Variants in FUS observed in about 807,000 individuals in gnomAD.
The protein encoded by FUS is FUS RNA binding protein.
Under a neutral mutation model 82.7 loss-of-function variants are expected in FUS, and 5 were observed. The ratio of observed to expected loss-of-function variants is 0.06; its 90% CI spans 0.03 to 0.13. The LOEUF is 0.13. Among genes scored for constraint, FUS ranks in the 10% least tolerant of loss-of-function variants. The pLI is 1.00. For missense variants in FUS, 512 were observed against 707.8 expected, an observed-to-expected ratio of 0.72 and a Z score of 3.14; for synonymous variants, 281 against 247.4, an observed-to-expected ratio of 1.14 and a Z score of -1.27.
Position 31,184,206 on chromosome 16 carries a change from T to G in FUS, c.336-3T>G. On this transcript the variant is annotated splice_polypyrimidine_tract_variant and splice_region_variant and intron_variant, in intron 4 of 14. Coordinates refer to ENST00000254108, the MANE Select transcript of FUS (RefSeq NM_004960.4). Reference sequence around the variant, plus strand: ...GATTGTGTTTTTTGTTTGTTTTCCCTAGTTACGGTAGCAGTTCTCAGAGCA... The same window carrying G: ...GATTGTGTTTTTTGTTTGTTTTCCCGAGTTACGGTAGCAGTTCTCAGAGCA... 1 of 1,614,168 alleles carries G rather than the reference T, an allele frequency of 6.2e-7. No individual in the cohort carries two copies.
At chr16:31,194,600 C>T (rs568112382), downstream of FUS, 30 of 494,932 alleles carry the variant, frequency 6.1e-5, 1 homozygote, top group South Asian at 1.9e-4. Context: ...ATACTGTGTC[C>T]GGCTATGAAA....
downstream of FUS, chr16:31,191,893 T>G (rs775198984): frequency 9.3e-6 from 5 of 538,876 alleles, no homozygotes; most frequent in African/African-American, 9.3e-5. Flanking sequence ...TGGTCTTAGT[T>G]TATTTGCAGC....
At position 31,185,177 on chromosome 16, in the gene FUS, G is replaced by A. The variant is rs2079249158; in HGVS notation, c.762G>A (p.Met254Ile). ...GTGGCCGTGGAGGCAGAGGTGGCAT[G>A]GGGTAGGTGTCTCATGAGCCAGGGA... is the stretch of plus-strand genomic sequence containing the variant. Reference protein sequence around the residue: ...RGGGRGGRGGMGGSDRGGFNK... With the variant: ...RGGGRGGRGGIGGSDRGGFNK... The change falls in exon 6 of 15, where the codon ATG (methionine) becomes ATA (isoleucine). Residue 254 changes from methionine (M) to isoleucine (I), a missense_variant and splice_region_variant. Met to Ile is a conservative substitution (Grantham distance 10). Transcript: ENST00000254108. The A allele has an allele frequency of 1.2e-6, 2 of 1,607,354 alleles. No individual in the cohort carries two copies. The highest frequency in any genetic ancestry group is 1.7e-6 in the Non-Finnish European group (2 of 1,176,440).
At position 31,180,247 on chromosome 16, in the gene FUS, G is replaced by T; in HGVS notation, c.13+20G>T. 1 of 1,606,372 alleles carries T rather than the reference G, an allele frequency of 6.2e-7. No homozygotes were observed. The highest frequency in any genetic ancestry group is 8.5e-7 in the Non-Finnish European group (1 of 1,176,684). On this transcript the variant is annotated intron_variant, in intron 1 of 14. Transcript: ENST00000254108. Reference sequence around the variant, plus strand: ...CAAACGGTAGGTAAGGGCGCGAGGCGACGGCGGCGGCGCACCCGGCCGAGG... The same window carrying T: ...CAAACGGTAGGTAAGGGCGCGAGGCTACGGCGGCGGCGCACCCGGCCGAGG...
intron 8 of FUS, 157 bp from the exon 9 acceptor site, chr16:31,188,966 G>T: frequency 1.5e-6 from 1 of 672,416 alleles, no homozygotes; most frequent in East Asian, 2.7e-5. Flanking sequence ...CAGCATGGCT[G>T]GCATATAGGG....
At chr16:31,192,872 A>G (rs1033626654), downstream of FUS, 6 of 485,222 alleles carry the variant, frequency 1.2e-5, no homozygotes, top group Middle Eastern at 6.1e-4. Context: ...GCATCTGGCC[A>G]TCCTCTCAAA....
intron 7 of FUS, 51 bp from the exon 8 acceptor site, chr16:31,188,274 C>T (rs1442895036): frequency 1.3e-6 from 2 of 1,591,576 alleles, no homozygotes; most frequent in South Asian, 2.3e-5. Context: ...AACGGCTCAT[C>T]TTTTCCTTGT....
chr16:31,191,126 A>G lies in FUS; in HGVS notation c.1541+16A>G. 2 of 1,611,886 alleles carry G rather than the reference A, an allele frequency of 1.2e-6. No homozygotes were observed. The highest frequency in any genetic ancestry group is 1.7e-6 in the Non-Finnish European group (2 of 1,179,718). ...TGGATTCCAGGTAAGACTTTAAATCAGAATAAAAAAGTAGAGCAGTTGAAC... is the reference window on the plus strand; with the variant it reads ...TGGATTCCAGGTAAGACTTTAAATCGGAATAAAAAAGTAGAGCAGTTGAAC... On this transcript the variant is annotated intron_variant, in intron 14 of 14. Transcript: ENST00000254108.
chr16:31,185,317 G>A (rs2079251746), intron 6 of FUS, 138 bp downstream of exon 6: 3 of 1,114,670 alleles, frequency 2.7e-6, no homozygotes, highest in African/African-American at 1.6e-5. Flanking sequence ...TTTGGGGGCA[G>A]TGACTTTCTT....
chr16:31,191,312 G>A (rs2079354907), intron 14 of FUS, 87 bp from the exon 15 acceptor site: 2 of 1,555,716 alleles, frequency 1.3e-6, no homozygotes, highest in East Asian at 4.5e-5. Flanking sequence ...GCTGGGTTAG[G>A]TAGGAGGGGC....
At chr16:31,188,227 G>A in intron 7 of FUS, 98 bp from the exon 8 acceptor site, 1 of 1,278,360 alleles carries the variant, frequency 7.8e-7, no homozygotes, top group Non-Finnish European at 1.1e-6. Flanking sequence ...TGGATTTGGT[G>A]TTAATTTTTT....
intron 1 of FUS, among the ~76,000 whole-genome samples, chr16:31,180,697 TCG>T (rs1460199239): frequency 6.6e-6 from 1 of 152,124 alleles, no homozygotes. Context: ...GCGAGACCCT[TCG>T]CGGAAGACTC....
chr16:31,194,849 T>A (rs2079403266), downstream of FUS: 1 of 476,206 alleles, frequency 2.1e-6, no homozygotes, highest in South Asian at 1.5e-5. Flanking sequence ...AAAAAATGAT[T>A]GACTTCAGTC....
chr16:31,183,070 G>T (rs1267697233), intron 3 of FUS: 6 of 296,966 alleles, frequency 2.0e-5, no homozygotes, highest in South Asian at 1.6e-4. Flanking sequence ...TTTCTTTTCC[G>T]TGAAACAGTG....
At chr16:31,187,097 G>A in intron 7 of FUS, 1 of 551,108 alleles carries the variant, frequency 1.8e-6, no homozygotes, top group African/African-American at 1.9e-5. Context: ...GCCTTGGACT[G>A]GGCCGTTGCC....
At chr16:31,191,727 A>C (rs1027842060), downstream of FUS, 4 of 656,320 alleles carry the variant, frequency 6.1e-6, no homozygotes, top group Non-Finnish European at 1.1e-5. Flanking sequence ...TTCGGGGAGA[A>C]GGCCAAATGA....
At position 31,190,387 on chromosome 16, in the gene FUS, G is replaced by A. The variant is rs1354546679; in HGVS notation, c.1281G>A (p.Lys427=). The part of the protein sequence containing the change: ...GGGQQRAGDW[K]CPNPTCENMN... ...GACAGCAGCGAGCTGGTGACTGGAA[G>A]TGTCCTAATCCGTGAGTGAAACTTA... Residue 427 remains lysine (K), a synonymous_variant, in exon 12 of 15, where the codon AAG becomes AAA. Coordinates refer to ENST00000254108, the MANE Select transcript of FUS (RefSeq NM_004960.4). 3.1e-6 allele frequency: 5 copies of A among 1,614,206 alleles called. No homozygotes were observed. Among genetic ancestry groups the A allele is most frequent in the South Asian group, 1.1e-5 (1 of 91,080 alleles).
rs2079271860 is a variant in FUS at position 31,186,495 on chromosome 16, A to G, written c.765-307A>G. 8 of 482,122 alleles carry G rather than the reference A, an allele frequency of 1.7e-5. 1 individual carries two copies. The South Asian group carries it at 1.8e-4, about 11-fold the overall frequency. 29.9% of individuals were successfully genotyped at this position (482,122 alleles called of 1,614,324 possible). A position where few individuals can be genotyped will look rare whatever the true frequency, so the allele number is the denominator to read the frequency against. ...TTGTCAACCACTTGCGACAAGAGGAAAAAAAAACATCTGCTCCATCGGAAG... is the reference window on the plus strand; with the variant it reads ...TTGTCAACCACTTGCGACAAGAGGAGAAAAAAACATCTGCTCCATCGGAAG... On this transcript the variant is annotated intron_variant, in intron 6 of 14. Transcript: ENST00000254108.
chr16:31,186,866 A>T (rs779799469), intron 7 of FUS, 30 bp downstream of exon 7: 1 of 1,596,128 alleles, frequency 6.3e-7, no homozygotes, highest in East Asian at 2.2e-5. Flanking sequence ...AAAATTCCCA[A>T]CTCCCAGCAA....
Sources: allele counts gnomAD v4.1 joint callset (sites outside exome capture counted in the v4.1 genomes callset), GRCh38; gene constraint gnomAD v4.1.1; transcripts MANE v1.5; gene names NCBI Gene and HGNC (gene_info 2026-07-23, HGNC 2026-07-21).